Variants in PRKN observed in about 807,000 individuals in gnomAD.
PRKN encodes parkin RBR E3 ubiquitin protein ligase.
A neutral mutation model predicts 59.5 loss-of-function variants in PRKN; 56 were observed. That is an observed-to-expected ratio of 0.94 (90% CI 0.76 to 1.18). PRKN has a LOEUF of 1.18. PRKN is among the 50% of genes most tolerant of loss of function. PRKN has a pLI of 0.00. For missense variants in PRKN, 657 were observed against 596.4 expected (o/e 1.10, Z -1.06); for synonymous variants, 250 against 222.1 (o/e 1.13, Z -1.12).
chr6:162,387,142 A>G, intron 2 of PRKN, among the ~76,000 whole-genome samples: 1 of 151,778 alleles, frequency 6.6e-6, no homozygotes, highest in Admixed American at 6.6e-5. Context: ...TTTTGAAGCA[A>G]TGATGTGAAT....
intron 9 of PRKN, among the ~76,000 whole-genome samples, chr6:161,512,433 A>C (rs1348835434): frequency 1.3e-5 from 2 of 152,202 alleles, no homozygotes; most frequent in Non-Finnish European, 2.9e-5. Context: ...TTGTAAGTAA[A>C]TTCATGCGGA....
chr6:161,499,343 C>T lies in PRKN; in HGVS notation c.1083+49511G>A, dbSNP rs1777872315. On this transcript the variant is annotated intron_variant, in intron 9 of 11. Coordinates refer to ENST00000366898, the MANE Select transcript of PRKN (RefSeq NM_004562.3). The surrounding 1 kb of genome is among the most constrained non-coding windows in gnomAD (Gnocchi z 4.2). ...ATAGGGAAATATTTCTGTCCCATGTCTCTATCAAAAGTGGGAAAGGGCTGT... is the reference window on the plus strand; with the variant it reads ...ATAGGGAAATATTTCTGTCCCATGTTTCTATCAAAAGTGGGAAAGGGCTGT... Among the ~76,000 whole-genome samples the T allele has an allele frequency of 2.0e-5, 3 of 152,300 alleles. No homozygotes were observed. In the South Asian group the frequency reaches 6.2e-4, roughly 32 times the overall value.
At chr6:162,104,647 C>T (rs925908603) in intron 4 of PRKN, among the ~76,000 whole-genome samples, 21 of 152,114 alleles carry the variant, frequency 1.4e-4, no homozygotes, top group Admixed American at 2.6e-4. Context: ...GCAGGCCAGG[C>T]GTGGACTCTG....
chr6:162,078,897 A>G (rs1459960452), intron 4 of PRKN, among the ~76,000 whole-genome samples: 1 of 146,958 alleles, frequency 6.8e-6, no homozygotes, highest in Non-Finnish European at 1.5e-5. Flanking sequence ...AATACTTTAA[A>G]AAAGATTAGG....
chr6:161,883,797 C>T (rs909902501), intron 6 of PRKN, among the ~76,000 whole-genome samples: 6 of 151,932 alleles, frequency 3.9e-5, no homozygotes, highest in Admixed American at 1.3e-4. Flanking sequence ...GGATTACAGC[C>T]GCGCGCCACC....
chr6:162,077,644 A>C (rs9456740), intron 4 of PRKN, among the ~76,000 whole-genome samples: 1 of 151,830 alleles, frequency 6.6e-6, no homozygotes, highest in Non-Finnish European at 1.5e-5. Context: ...TTTTTAACAA[A>C]AATGAAAAAT....
chr6:162,613,603 G>A (rs982589626), intron 1 of PRKN, among the ~76,000 whole-genome samples: 5 of 152,088 alleles, frequency 3.3e-5, no homozygotes, highest in Admixed American at 2.6e-4. Flanking sequence ...TCATTTTGCA[G>A]CAAATGCTTC....
At chr6:161,810,354 C>A (rs1402171259) in intron 6 of PRKN, among the ~76,000 whole-genome samples, 1 of 152,186 alleles carries the variant, frequency 6.6e-6, no homozygotes, top group Middle Eastern at 3.2e-3. Flanking sequence ...GCCACCTGGT[C>A]TGTAGTAGGC....
rs927416377 is a variant in PRKN, at chr6:161,584,381, T to C, written c.872-14965A>G. On this transcript the variant is annotated intron_variant, in intron 7 of 11. Transcript: ENST00000366898. This position sits in a 1 kb window ranked among gnomAD's most constrained non-coding sequence, Gnocchi z 4.8. The stretch of plus-strand genomic sequence containing the variant: ...CTGAATATAATGGTGCTGCAAAATC[T>C]GAAATTAAACATAATATAAAAAGCA... 3.9e-5 allele frequency among the ~76,000 whole-genome samples: 6 copies of C among 152,208 alleles called. No individual in the cohort carries two copies. The highest frequency in any genetic ancestry group is 8.8e-5 in the Non-Finnish European group (6 of 68,042).
chr6:162,063,887 T>C (rs1430939471), intron 4 of PRKN, among the ~76,000 whole-genome samples: 1 of 151,606 alleles, frequency 6.6e-6, no homozygotes, highest in Admixed American at 6.6e-5. Flanking sequence ...AAACTATGAC[T>C]CAGCACTTTC....
chr6:162,106,674 A>G (rs1780205861), intron 4 of PRKN, among the ~76,000 whole-genome samples: 1 of 152,220 alleles, frequency 6.6e-6, no homozygotes, highest in African/African-American at 2.4e-5. Context: ...AGCACAGAAC[A>G]ACTTTAACAA....
chr6:161,465,460 T>G (rs1207409747), intron 9 of PRKN, among the ~76,000 whole-genome samples: 1 of 151,226 alleles, frequency 6.6e-6, no homozygotes. Flanking sequence ...ATGTTATTTT[T>G]GGGGGCCTTT....
At chr6:162,519,548 A>T (rs1248599296) in intron 1 of PRKN, among the ~76,000 whole-genome samples, 3 of 152,154 alleles carry the variant, frequency 2.0e-5, no homozygotes, top group African/African-American at 7.2e-5. Context: ...ATATTAACAT[A>T]TGTGAGATTT....
At chr6:161,972,238 C>A (rs903108596) in intron 6 of PRKN, among the ~76,000 whole-genome samples, 1 of 148,576 alleles carries the variant, frequency 6.7e-6, no homozygotes, top group Non-Finnish European at 1.5e-5. Flanking sequence ...CCCGCCATTG[C>A]ACTCCAGCCT....
rs79825148 is a variant in PRKN at position 162,539,761 on chromosome 6, G to A, written c.8-96288C>T. 2.3e-3 allele frequency among the ~76,000 whole-genome samples: 352 copies of A among 152,226 alleles called. 3 individuals are homozygous for A. Among genetic ancestry groups the A allele is most frequent in the African/African-American group, 8.0e-3 (332 of 41,536 alleles). ...CTGACACTGAATTTTGCAGCTATGC[G>A]AAATTTAATGCTGATTAGTAAACTC... On this transcript the variant is annotated intron_variant, in intron 1 of 11. Transcript: ENST00000366898.
At chr6:162,665,971 C>G (rs34591938) in intron 1 of PRKN, among the ~76,000 whole-genome samples, 13,027 of 152,090 alleles carry the variant, frequency 0.086, 702 homozygotes, top group Middle Eastern at 0.18. Flanking sequence ...AAAACTGGCT[C>G]GACATATGCG....
intron 3 of PRKN, among the ~76,000 whole-genome samples, chr6:162,234,057 A>G (rs6935521): frequency 0.48 from 73,764 of 152,178 alleles, 20,735 homozygotes; most frequent in East Asian, 0.86. Context: ...ATTTTGACAC[A>G]TTCTATGAGG....
intron 7 of PRKN, among the ~76,000 whole-genome samples, chr6:161,603,848 A>C (rs1177564793): frequency 6.6e-6 from 1 of 152,218 alleles, no homozygotes; most frequent in East Asian, 1.9e-4. Context: ...CTGAGCTGAA[A>C]GGGAAATCCA....
chr6:162,569,127 C>A, intron 1 of PRKN: 1 of 637,778 alleles, frequency 1.6e-6, no homozygotes, highest in Non-Finnish European at 2.9e-6. Context: ...ATCACCCAAC[C>A]TCAGCCGGGC....
Sources: gnomAD v4.1 joint callset for allele counts (sites outside exome capture counted in the v4.1 genomes callset) on GRCh38, gnomAD v4.1.1 for gene constraint, Gnocchi (gnomAD v3.1) non-coding constraint, MANE v1.5 for transcripts, NCBI Gene and HGNC (gene_info 2026-07-23, HGNC 2026-07-21) for gene names.